Variants in MYRIP observed in about 807,000 individuals in gnomAD.
MYRIP encodes the protein myosin VIIA and Rab interacting protein, also known as rab effector MyRIP.
A neutral mutation model predicts 98.0 loss-of-function variants in MYRIP; 49 were observed. The observed-to-expected ratio is 0.50, with a 90% confidence interval of 0.40 to 0.63. The LOEUF (loss-of-function observed/expected upper bound fraction) is 0.63, where lower values mean the gene tolerates loss of function less well. Among genes scored for constraint, MYRIP ranks in the 30% least tolerant of loss-of-function variants. The probability of loss-of-function intolerance (pLI) is 0.00; values close to 1 mark genes in which losing one functional copy is unlikely to be tolerated. For missense variants in MYRIP, 1,004 were observed against 1,058.2 expected (o/e 0.95, Z 0.71); for synonymous variants, 404 against 409.5 (o/e 0.99, Z 0.16).
At chr3:39,916,421 A>T (rs1944161252) in intron 2 of MYRIP, among the ~76,000 whole-genome samples, 1 of 150,340 alleles carries the variant, frequency 6.7e-6, no homozygotes, top group Admixed American at 6.6e-5. Context: ...AAAAAAAAAA[A>T]TCACACCAAA....
At chr3:40,242,117 G>A (rs1953035675) in intron 12 of MYRIP, 1 of 152,222 alleles carries the variant, frequency 6.6e-6, no homozygotes, top group African/African-American at 2.4e-5. Flanking sequence ...TGAGACCTCA[G>A]AAAGTCACTA....
chr3:40,004,778 A>G (rs9882566), intron 2 of MYRIP, among the ~76,000 whole-genome samples: 1,715 of 152,222 alleles, frequency 0.011, 40 homozygotes, highest in African/African-American at 0.039. Flanking sequence ...ATGGTCTCCA[A>G]TTCCATCCAG....
chr3:40,193,950 A>G (rs1951315399), intron 10 of MYRIP, among the ~76,000 whole-genome samples: 1 of 152,060 alleles, frequency 6.6e-6, no homozygotes, highest in African/African-American at 2.4e-5. Context: ...TTTAGGAATT[A>G]GTTTTATTTT....
At chr3:39,872,439 A>C (rs1362354456) in intron 1 of MYRIP, among the ~76,000 whole-genome samples, 2 of 151,620 alleles carry the variant, frequency 1.3e-5, no homozygotes, top group Non-Finnish European at 2.9e-5. Flanking sequence ...TGCACCCATT[A>C]ACTCGTCATT....
intron 3 of MYRIP, among the ~76,000 whole-genome samples, chr3:40,098,711 G>A (rs952015210): frequency 4.5e-5 from 6 of 133,264 alleles, no homozygotes; most frequent in Non-Finnish European, 8.2e-5. Flanking sequence ...TTCTCTTCTG[G>A]ATGTGTGTAT....
At chr3:40,040,061 A>G (rs947934730) in intron 2 of MYRIP, among the ~76,000 whole-genome samples, 2 of 152,144 alleles carry the variant, frequency 1.3e-5, no homozygotes, top group South Asian at 2.1e-4. Context: ...CACTCATATA[A>G]TGCAGGATAA....
At chr3:39,815,284 G>A (rs186008530) in intron 1 of MYRIP, among the ~76,000 whole-genome samples, 1 of 152,110 alleles carries the variant, frequency 6.6e-6, no homozygotes, top group Non-Finnish European at 1.5e-5. Flanking sequence ...CAATAATACA[G>A]TATGTGGCAT....
At chr3:40,192,736 T>A (rs1218400975) in intron 10 of MYRIP, among the ~76,000 whole-genome samples, 1 of 152,102 alleles carries the variant, frequency 6.6e-6, no homozygotes, top group African/African-American at 2.4e-5. Flanking sequence ...GAGGATTTTG[T>A]TACCTGCAAC....
chr3:39,975,663 A>T (rs1393072836), intron 2 of MYRIP, among the ~76,000 whole-genome samples: 1 of 152,172 alleles, frequency 6.6e-6, no homozygotes, highest in Non-Finnish European at 1.5e-5. Context: ...ACAAGGCTAC[A>T]GTAACCAAAA....
intron 1 of MYRIP, among the ~76,000 whole-genome samples, chr3:39,837,497 A>C (rs925347128): frequency 6.6e-6 from 1 of 151,878 alleles, no homozygotes; most frequent in Admixed American, 6.6e-5. Context: ...GCTTGTTTTT[A>C]TCAGGTTTGT....
chr3:40,173,428 C>A (rs1950668909), intron 8 of MYRIP: 1 of 152,144 alleles, frequency 6.6e-6, no homozygotes, highest in Non-Finnish European at 1.5e-5. Context: ...GAAGTAGTGT[C>A]CCTCCCACCT....
chr3:40,189,648 T>C (rs1575610053), intron 9 of MYRIP, among the ~76,000 whole-genome samples, 178 bp from the exon 10 acceptor site: 1 of 152,174 alleles, frequency 6.6e-6, no homozygotes, highest in Non-Finnish European at 1.5e-5. Context: ...TTTCAAGAGA[T>C]TCCTTGGGGA....
chr3:39,874,588 T>A (rs1208298079), intron 1 of MYRIP, among the ~76,000 whole-genome samples: 27 of 151,992 alleles, frequency 1.8e-4, no homozygotes, highest in African/African-American at 6.0e-4. Context: ...TTCTGCATCT[T>A]TTGAGATAAT....
Position 40,155,787 on chromosome 3 carries a change from C to A in MYRIP, c.469+4603C>A, listed in dbSNP as rs1446719084. On this transcript the variant is annotated intron_variant, in intron 4 of 16. Coordinates refer to ENST00000302541, the MANE Select transcript of MYRIP (RefSeq NM_015460.4). ...ATGTGTTTTTTGGCTGCATAAATGTCTTCTTTTGAGAAGTGTCTGTTCATG... is the reference window on the plus strand; with the variant it reads ...ATGTGTTTTTTGGCTGCATAAATGTATTCTTTTGAGAAGTGTCTGTTCATG... Among the ~76,000 whole-genome samples, 4 of 152,092 alleles carry A rather than the reference C, an allele frequency of 2.6e-5. No homozygotes were observed. In the East Asian group the frequency reaches 7.7e-4, roughly 29 times the overall value.
At chr3:40,183,250 G>C (rs75423516) in intron 9 of MYRIP, among the ~76,000 whole-genome samples, 2,369 of 152,280 alleles carry the variant, frequency 0.016, 39 homozygotes, top group South Asian at 0.065. Flanking sequence ...CAGTAACACG[G>C]CTGGGCCATG....
intron 2 of MYRIP, among the ~76,000 whole-genome samples, chr3:39,926,052 A>G (rs1432466244): frequency 6.6e-6 from 1 of 151,840 alleles, no homozygotes; most frequent in East Asian, 1.9e-4. Context: ...GGTATCTCAT[A>G]GTGGTTTTGA....
intron 1 of MYRIP, among the ~76,000 whole-genome samples, chr3:39,856,507 A>G (rs1228338646): frequency 6.6e-6 from 1 of 152,176 alleles, no homozygotes; most frequent in Non-Finnish European, 1.5e-5. Flanking sequence ...GGAAAAGCAC[A>G]ACCTGGGGTC....
intron 2 of MYRIP, among the ~76,000 whole-genome samples, chr3:39,950,896 T>A (rs529445484): frequency 3.3e-5 from 5 of 152,212 alleles, no homozygotes; most frequent in Non-Finnish European, 7.3e-5. Context: ...ATCATCAAAA[T>A]CTTGGCATTC....
chr3:40,163,046 T>C (rs970284750), intron 5 of MYRIP: 2 of 407,664 alleles, frequency 4.9e-6, no homozygotes, highest in African/African-American at 4.0e-5. Context: ...CAACCATGGA[T>C]ACTTTACAGT....
Sources: allele counts gnomAD v4.1 joint callset (sites outside exome capture counted in the v4.1 genomes callset), GRCh38; gene constraint gnomAD v4.1.1; transcripts MANE v1.5; gene names NCBI Gene and HGNC (gene_info 2026-07-23, HGNC 2026-07-21).